The following NDUFA9 variants were observed in gnomAD, a reference collection of about 807,000 sequenced individuals.
NDUFA9 encodes NADH:ubiquinone oxidoreductase subunit A9, also known as NADH dehydrogenase [ubiquinone] 1 alpha subcomplex subunit 9, mitochondrial.
In NDUFA9, 23 loss-of-function variants were observed where a neutral mutation model predicts 45.9. The ratio of observed to expected loss-of-function variants is 0.50; its 90% CI spans 0.36 to 0.71. NDUFA9 has a LOEUF of 0.71. NDUFA9 is among the 30% of genes least tolerant of loss of function. The pLI, the probability that NDUFA9 is intolerant of heterozygous loss-of-function variation, is 0.00. For synonymous variants in NDUFA9, 176 were observed against 170.5 expected (o/e 1.03, Z -0.25); for missense variants, 466 against 488.2 (o/e 0.95, Z 0.43).
intron 6 of NDUFA9, among the ~76,000 whole-genome samples, chr12:4,663,353 G>A (rs577496920): frequency 1.6e-4 from 24 of 151,868 alleles, no homozygotes; most frequent in South Asian, 1.0e-3. Flanking sequence ...TCTGCTATGG[G>A]CTAAATTGCG....
At chr12:4,669,206 C>G (rs997605438) in intron 7 of NDUFA9, among the ~76,000 whole-genome samples, 3 of 152,228 alleles carry the variant, frequency 2.0e-5, no homozygotes, top group African/African-American at 7.2e-5. Context: ...TCACACCACC[C>G]TTCAGTTGTG....
chr12:4,657,991 A>G (rs1254789242), intron 4 of NDUFA9, 152 bp downstream of exon 4: 2 of 653,794 alleles, frequency 3.1e-6, no homozygotes, highest in Non-Finnish European at 5.5e-6. Context: ...ACCCAGTGAC[A>G]CCCCTGAGGA....
intron 1 of NDUFA9, chr12:4,653,465 T>A: frequency 3.2e-6 from 1 of 308,288 alleles, no homozygotes; most frequent in Non-Finnish European, 6.2e-6. Context: ...AAAAGCCAGA[T>A]GATTTCTTTG....
At chr12:4,684,556 G>A (rs1368106053) in intron 9 of NDUFA9, among the ~76,000 whole-genome samples, 1 of 152,160 alleles carries the variant, frequency 6.6e-6, no homozygotes, top group Non-Finnish European at 1.5e-5. Context: ...GATCACTTGA[G>A]CCTGGGAGTG....
rs564364063 is a variant in NDUFA9 at position 4,693,955 on chromosome 12, G to C, written c.*6847G>C. The C allele has an allele frequency of 2.0e-5, 3 of 152,330 alleles. No homozygotes were observed. The East Asian group carries it at 5.8e-4, about 29-fold the overall frequency. 9.4% of individuals were successfully genotyped at this position (152,330 alleles called of 1,614,324 possible). Reference sequence around the variant, plus strand: ...GAAAAACACATCTTTTCTGGGGCTAGACAGTCCATAAATAGGACTTGGAAA... The same window carrying C: ...GAAAAACACATCTTTTCTGGGGCTACACAGTCCATAAATAGGACTTGGAAA... On this transcript the variant is annotated 3_prime_UTR_variant, in exon 11 of 11. Coordinates refer to ENST00000266544, the MANE Select transcript of NDUFA9 (RefSeq NM_005002.5).
Position 4,693,895 on chromosome 12 carries a change from CAA to C in NDUFA9, c.*6788_*6789del, listed in dbSNP as rs938693856. 2 of 152,118 alleles carry C rather than the reference CAA, an allele frequency of 1.3e-5. No individual in the cohort carries two copies. Among genetic ancestry groups the C allele is most frequent in the South Asian group, 2.1e-4 (1 of 4,828 alleles). 9.4% of individuals were successfully genotyped at this position (152,118 alleles called of 1,614,324 possible). On this transcript the variant is annotated 3_prime_UTR_variant, in exon 11 of 11. Transcript: ENST00000266544. ...TTATAACTGAATAAACAATAAAAAA[CAA>C]GAGAAGTGACAGCTTTATAGCATCT...
chr12:4,668,532 C>T lies in NDUFA9; in HGVS notation c.723+8C>T, dbSNP rs1945866911. 6.2e-7 allele frequency: 1 copy of T among 1,606,030 alleles called. No individual in the cohort carries two copies. The highest frequency in any genetic ancestry group is 1.7e-5 in the Admixed American group (1 of 59,976). On this transcript the variant is annotated splice_region_variant and intron_variant, in intron 7 of 10. Coordinates refer to ENST00000266544, the MANE Select transcript of NDUFA9 (RefSeq NM_005002.5). ...GTTAAACAACCAGTATATGTAAGTA[C>T]TTGGATGAAGGGGGTCAGAAAGGGA...
intron 4 of NDUFA9, among the ~76,000 whole-genome samples, chr12:4,658,486 A>C (rs16931620): frequency 0.25 from 37,606 of 152,118 alleles, 4,837 homozygotes; most frequent in Middle Eastern, 0.39. Context: ...ACGTTACCGA[A>C]TGAAATTGTT....
At chr12:4,667,962 A>G (rs1338118213) in intron 6 of NDUFA9, among the ~76,000 whole-genome samples, 4 of 152,224 alleles carry the variant, frequency 2.6e-5, no homozygotes, top group Non-Finnish European at 5.9e-5. Flanking sequence ...AAATAGCAGA[A>G]TAATTGTGCC....
In NDUFA9 at chr12:4,687,435, G is replaced by A. The variant is rs1945994713; in HGVS notation, c.*327G>A. ...GGACCCTTTTTAATGTCAAAGTATT[G>A]TAAAGACCCCAAGTGATATGTGATT... is the stretch of plus-strand genomic sequence containing the variant. On this transcript the variant is annotated 3_prime_UTR_variant, in exon 11 of 11. Transcript: ENST00000266544. 5.5e-6 allele frequency: 1 copy of A among 183,374 alleles called. No homozygotes were observed. Among genetic ancestry groups the A allele is most frequent in the Non-Finnish European group, 1.1e-5 (1 of 89,060 alleles). 11.4% of individuals were successfully genotyped at this position (183,374 alleles called of 1,614,324 possible).
rs1445918530 is a variant in NDUFA9, at chr12:4,693,382, A to C, written c.*6274A>C. 1 of 152,184 alleles carries C rather than the reference A, an allele frequency of 6.6e-6. No homozygotes were observed. Among genetic ancestry groups the C allele is most frequent in the African/African-American group, 2.4e-5 (1 of 41,424 alleles). 9.4% of individuals were successfully genotyped at this position (152,184 alleles called of 1,614,324 possible). A position where few individuals can be genotyped will look rare whatever the true frequency, so the allele number is the denominator to read the frequency against. On this transcript the variant is annotated 3_prime_UTR_variant, in exon 11 of 11. Transcript: ENST00000266544. Reference sequence around the variant, plus strand: ...GATGCCCAGTGTTGTGTAATAATTAAAGCGTTAAATTTCCTCTCTGCCCCA... The same window carrying C: ...GATGCCCAGTGTTGTGTAATAATTACAGCGTTAAATTTCCTCTCTGCCCCA...
chr12:4,671,315 T>C (rs1182713859), intron 8 of NDUFA9, among the ~76,000 whole-genome samples: 1 of 152,132 alleles, frequency 6.6e-6, no homozygotes, highest in Non-Finnish European at 1.5e-5. Flanking sequence ...TCACGATGTA[T>C]AAGATCAGCA....
chr12:4,662,795 T>C (rs1945831162), intron 6 of NDUFA9, among the ~76,000 whole-genome samples, 160 bp downstream of exon 6: 1 of 152,196 alleles, frequency 6.6e-6, no homozygotes, highest in Non-Finnish European at 1.5e-5. Context: ...GTCAATGTAG[T>C]CTTTGTTATA....
chr12:4,686,541 T>C (rs1057067040), intron 10 of NDUFA9, among the ~76,000 whole-genome samples: 1 of 151,998 alleles, frequency 6.6e-6, no homozygotes, highest in Non-Finnish European at 1.5e-5. Flanking sequence ...GACTGAGGAA[T>C]GGACCAGCTC....
In NDUFA9 at chr12:4,657,731, G is replaced by T; in HGVS notation, c.319-17G>T. The T allele has an allele frequency of 6.3e-7, 1 of 1,588,450 alleles. No individual in the cohort carries two copies. Among genetic ancestry groups the T allele is most frequent in the Non-Finnish European group, 8.6e-7 (1 of 1,157,938 alleles). On this transcript the variant is annotated splice_polypyrimidine_tract_variant and intron_variant, in intron 3 of 10. Coordinates refer to ENST00000266544, the MANE Select transcript of NDUFA9 (RefSeq NM_005002.5). ...TATACCCCTATGTTTTCATCCGATT[G>T]CTTTCTGCTATTATAGGAATGGGAC...
chr12:4,664,486 A>C (rs1257895933), intron 6 of NDUFA9, among the ~76,000 whole-genome samples: 3 of 152,248 alleles, frequency 2.0e-5, no homozygotes, highest in Admixed American at 6.5e-5. Flanking sequence ...GATGTTTAGA[A>C]CTATCTCTTT....
At chr12:4,663,971 G>T (rs888486008) in intron 6 of NDUFA9, among the ~76,000 whole-genome samples, 3 of 152,190 alleles carry the variant, frequency 2.0e-5, no homozygotes, top group African/African-American at 7.2e-5. Flanking sequence ...GCTGATCTGT[G>T]TGTGTTCTAG....
At chr12:4,679,568 A>G (rs771492891) in intron 8 of NDUFA9, among the ~76,000 whole-genome samples, 17 of 152,164 alleles carry the variant, frequency 1.1e-4, no homozygotes, top group Non-Finnish European at 2.4e-4. Context: ...TGGCAACTAT[A>G]TTGGATGCTG....
chr12:4,687,256 AT>A lies in NDUFA9; in HGVS notation c.*151del. On this transcript the variant is annotated 3_prime_UTR_variant, in exon 11 of 11. Transcript: ENST00000266544. ...GAATTCTGCAGTATTTTCTTCCTTG[AT>A]TTACAAAATGAGAAATGTAGTCACT... 2 of 719,146 alleles carry A rather than the reference AT, an allele frequency of 2.8e-6. No individual in the cohort carries two copies. Among genetic ancestry groups the A allele is most frequent in the Non-Finnish European group, 4.3e-6 (2 of 468,584 alleles). 44.5% of individuals were successfully genotyped at this position (719,146 alleles called of 1,614,324 possible).
Sources: allele counts gnomAD v4.1 joint callset (sites outside exome capture counted in the v4.1 genomes callset), GRCh38; gene constraint gnomAD v4.1.1; transcripts MANE v1.5; gene names NCBI Gene and HGNC (gene_info 2026-07-23, HGNC 2026-07-21).